The following FAM13A variants were observed in gnomAD, a reference collection of about 807,000 sequenced individuals.
FAM13A encodes the protein family with sequence similarity 13 member A, also known as protein FAM13A.
Under a neutral mutation model 129.6 loss-of-function variants are expected in FAM13A, and 76 were observed. That is an observed-to-expected ratio of 0.59 (90% CI 0.49 to 0.71). The LOEUF (loss-of-function observed/expected upper bound fraction) is 0.71. Ranked by LOEUF, FAM13A falls within the 30% of genes least tolerant of loss-of-function variation. The pLI is 0.00. For synonymous variants in FAM13A, 443 were observed against 449.9 expected, an observed-to-expected ratio of 0.98 and a Z score of 0.20; for missense variants, 1,108 against 1,249.3, an observed-to-expected ratio of 0.89 and a Z score of 1.70.
intron 7 of FAM13A, among the ~76,000 whole-genome samples, chr4:88,810,710 G>A (rs1385333447): frequency 6.6e-6 from 1 of 152,108 alleles, no homozygotes; most frequent in Non-Finnish European, 1.5e-5. Flanking sequence ...TTCCAGGCCT[G>A]TATTCAAAAG....
chr4:89,055,551 G>T (rs539355374), intron 1 of FAM13A, among the ~76,000 whole-genome samples: 11 of 152,238 alleles, frequency 7.2e-5, no homozygotes, highest in African/African-American at 2.2e-4. Context: ...AAGAAGTAAA[G>T]ATCTAATCAG....
At chr4:88,992,119 C>A (rs1762988637) in intron 3 of FAM13A, among the ~76,000 whole-genome samples, 1 of 152,202 alleles carries the variant, frequency 6.6e-6, no homozygotes, top group African/African-American at 2.4e-5. Flanking sequence ...ATGTAATTCC[C>A]ACTTTCCCTT....
chr4:89,028,548 C>T (rs1379063475), intron 2 of FAM13A, among the ~76,000 whole-genome samples: 2 of 151,920 alleles, frequency 1.3e-5, no homozygotes, highest in Non-Finnish European at 2.9e-5. Context: ...AAAAATCAGG[C>T]AGTGTGGCAG....
rs78763397 is a variant in FAM13A, at chr4:88,984,277, A to G, written c.605+6696T>C. Reference sequence around the variant, plus strand: ...ACACAAAAAGCATAAGTGACAAAAGAAAAAACAGATACATTGCACTCCATC... The same window carrying G: ...ACACAAAAAGCATAAGTGACAAAAGGAAAAACAGATACATTGCACTCCATC... On this transcript the variant is annotated intron_variant, in intron 4 of 23. Transcript: ENST00000264344. Among the ~76,000 whole-genome samples the G allele has an allele frequency of 7.6e-3, 1,153 of 152,322 alleles. 17 individuals are homozygous for G. The highest frequency in any genetic ancestry group is 0.026 in the African/African-American group (1,067 of 41,580).
intron 5 of FAM13A, among the ~76,000 whole-genome samples, chr4:88,914,581 T>C (rs1449259360): frequency 6.6e-6 from 1 of 152,150 alleles, no homozygotes; most frequent in Admixed American, 6.6e-5. Context: ...ATCTTTCAGC[T>C]CCCATGTCAC....
intron 21 of FAM13A, among the ~76,000 whole-genome samples, chr4:88,735,616 C>T (rs1738826438): frequency 2.6e-5 from 4 of 152,114 alleles, no homozygotes. Flanking sequence ...GCATTTAAAA[C>T]CAGGGGTGAG....
At chr4:88,730,231 A>G (rs1359484665) in intron 23 of FAM13A, 1 of 152,208 alleles carries the variant, frequency 6.6e-6, no homozygotes, top group Non-Finnish European at 1.5e-5. Context: ...CCTAACTCCA[A>G]TGTAAGAGAT....
chr4:88,745,226 T>C lies in FAM13A; in HGVS notation c.2466+1706A>G, dbSNP rs1342955247. On this transcript the variant is annotated intron_variant, in intron 19 of 23. Transcript: ENST00000264344. ...TCTCCTTGGCAATCTATAACAGATA[T>C]CTATTATATAGACAAAGCACCAAGG... is the stretch of plus-strand genomic sequence containing the variant. Among the ~76,000 whole-genome samples the C allele has an allele frequency of 2.0e-5, 3 of 152,118 alleles. No homozygotes were observed. The East Asian group carries it at 5.8e-4, about 29-fold the overall frequency.
intron 3 of FAM13A, among the ~76,000 whole-genome samples, chr4:89,014,985 T>C (rs1766268302): frequency 6.6e-6 from 1 of 152,172 alleles, no homozygotes; most frequent in Non-Finnish European, 1.5e-5. Context: ...ATTCTTTTTC[T>C]CAGCAAGGAA....
chr4:88,775,112 G>A (rs1356569529), intron 11 of FAM13A, among the ~76,000 whole-genome samples: 1 of 152,164 alleles, frequency 6.6e-6, no homozygotes, highest in Admixed American at 6.5e-5. Context: ...CATGATTTAT[G>A]GGAGCTTAGC....
intron 4 of FAM13A, among the ~76,000 whole-genome samples, chr4:88,958,719 A>G (rs891015145): frequency 1.2e-4 from 19 of 152,328 alleles, no homozygotes; most frequent in Non-Finnish European, 2.1e-4. Context: ...CCCCCGACAG[A>G]GTCCCCACTA....
chr4:88,926,988 G>GAC (rs367573710), intron 5 of FAM13A, among the ~76,000 whole-genome samples: 29 of 151,810 alleles, frequency 1.9e-4, no homozygotes, highest in African/African-American at 3.1e-4. Context: ...CCCACCGACA[G>GAC]ACACACACAC....
chr4:88,823,235 T>C, intron 7 of FAM13A: 10 of 1,347,120 alleles, frequency 7.4e-6, no homozygotes, highest in Non-Finnish European at 9.5e-6. Flanking sequence ...ACATTTACAC[T>C]GCAGTCCACT....
intron 4 of FAM13A, among the ~76,000 whole-genome samples, chr4:88,952,408 G>C (rs1203544280): frequency 6.6e-6 from 1 of 152,040 alleles, no homozygotes; most frequent in Non-Finnish European, 1.5e-5. Context: ...TCAAAACAGA[G>C]AGAAAACAGC....
chr4:88,884,198 C>T (rs1055855712), intron 6 of FAM13A, among the ~76,000 whole-genome samples: 1 of 136,276 alleles, frequency 7.3e-6, no homozygotes, highest in African/African-American at 2.9e-5. Context: ...CAGGAAAGGA[C>T]ATAACAAAAA....
At chr4:88,787,493 A>G (rs1724198306) in intron 10 of FAM13A, among the ~76,000 whole-genome samples, 1 of 152,180 alleles carries the variant, frequency 6.6e-6, no homozygotes. Flanking sequence ...TGAGGAAGCC[A>G]TAGGGTGTAT....
chr4:88,881,122 C>G (rs566751709), intron 6 of FAM13A, among the ~76,000 whole-genome samples: 90 of 152,354 alleles, frequency 5.9e-4, no homozygotes, highest in African/African-American at 1.9e-3. Context: ...TATACTGCCA[C>G]AGCTAATGCT....
chr4:88,809,564 CAAAAG>C (rs956450240), intron 7 of FAM13A, among the ~76,000 whole-genome samples: 2 of 151,978 alleles, frequency 1.3e-5, no homozygotes, highest in African/African-American at 4.8e-5. Flanking sequence ...TATAAAGAAA[CAAAAG>C]AAAAGTATAA....
chr4:88,888,071 T>C (rs538927216), intron 6 of FAM13A, among the ~76,000 whole-genome samples: 2 of 152,328 alleles, frequency 1.3e-5, no homozygotes, highest in East Asian at 1.9e-4. Flanking sequence ...CTACCCATTA[T>C]AGACTGGTCT....
Sources: allele counts gnomAD v4.1 joint callset (sites outside exome capture counted in the v4.1 genomes callset), GRCh38; gene constraint gnomAD v4.1.1; transcripts MANE v1.5; gene names NCBI Gene and HGNC (gene_info 2026-07-23, HGNC 2026-07-21).